CLVS1: variants seen among roughly 807,000 people sequenced by gnomAD.
CLVS1 encodes clavesin 1.
In CLVS1, 10 loss-of-function variants were observed where a neutral mutation model predicts 33.1. That is an observed-to-expected ratio of 0.30 (90% CI 0.19 to 0.51). The LOEUF is 0.51. Among genes scored for constraint, CLVS1 ranks in the 20% least tolerant of loss-of-function variants. The pLI is 0.97. For missense variants in CLVS1, 343 were observed against 433.4 expected (o/e 0.79, Z 1.85); for synonymous variants, 163 against 166.1 (o/e 0.98, Z 0.14).
chr8:61,377,012 G>A (rs1813671775), intron 3 of CLVS1: 2 of 436,034 alleles, frequency 4.6e-6, no homozygotes, highest in South Asian at 9.6e-5. Context: ...ATTATCCTCT[G>A]TAGCAATAAT....
intron 2 of CLVS1, among the ~76,000 whole-genome samples, chr8:61,212,980 C>G (rs1808003668): frequency 6.6e-6 from 1 of 152,090 alleles, no homozygotes; most frequent in Non-Finnish European, 1.5e-5. Context: ...ACCAAGCCCA[C>G]CGGTTAGGTT....
intron 3 of CLVS1, among the ~76,000 whole-genome samples, chr8:61,416,071 G>C (rs1231413223): frequency 6.6e-6 from 1 of 152,118 alleles, no homozygotes; most frequent in African/African-American, 2.4e-5. Flanking sequence ...AGAGCTAAGA[G>C]GAATCCTAGC....
intron 3 of CLVS1, among the ~76,000 whole-genome samples, chr8:61,409,612 G>A (rs1365875654): frequency 6.6e-6 from 1 of 152,172 alleles, no homozygotes; most frequent in Admixed American, 6.5e-5. Flanking sequence ...AGCAGTGAAT[G>A]TTTGTTCATA....
intron 5 of CLVS1, among the ~76,000 whole-genome samples, chr8:61,484,719 C>T (rs1586044134): frequency 6.6e-6 from 1 of 152,170 alleles, no homozygotes; most frequent in East Asian, 1.9e-4. Context: ...GTAACCAAAA[C>T]AGCATGGTAC....
chr8:61,269,792 G>A (rs1224338383), intron 2 of CLVS1, among the ~76,000 whole-genome samples: 1 of 150,306 alleles, frequency 6.7e-6, no homozygotes. Context: ...GTGAATGGGA[G>A]TTCACTCATG....
chr8:61,468,804 C>T (rs1817644187), intron 5 of CLVS1, among the ~76,000 whole-genome samples: 1 of 150,604 alleles, frequency 6.6e-6, no homozygotes, highest in African/African-American at 2.5e-5. Flanking sequence ...ACATTCATGT[C>T]TCAGCACTGA....
chr8:61,093,311 C>T (rs2087139488), intron 1 of CLVS1, among the ~76,000 whole-genome samples: 1 of 152,136 alleles, frequency 6.6e-6, no homozygotes, highest in South Asian at 2.1e-4. Flanking sequence ...GAGCCATTCT[C>T]CTTAAGCACT....
chr8:61,458,600 T>C (rs755045659), intron 5 of CLVS1, 58 bp downstream of exon 5: 15 of 1,166,560 alleles, frequency 1.3e-5, no homozygotes, highest in Non-Finnish European at 1.8e-5. Flanking sequence ...AATTTTTTAT[T>C]TGGACCTATT....
At chr8:61,270,480 T>G (rs1809414243) in intron 2 of CLVS1, among the ~76,000 whole-genome samples, 1 of 152,230 alleles carries the variant, frequency 6.6e-6, no homozygotes, top group African/African-American at 2.4e-5. Context: ...ATTCCCTTTT[T>G]TTGTTGTGTC....
At chr8:61,077,042 C>T (rs1265361963) in intron 1 of CLVS1, among the ~76,000 whole-genome samples, 1 of 152,066 alleles carries the variant, frequency 6.6e-6, no homozygotes, top group South Asian at 2.1e-4. Flanking sequence ...GGGCTTGGGT[C>T]AGGACTTAGC....
Position 61,115,641 on chromosome 8 carries a change from T to C in CLVS1, c.-242-16129T>C, listed in dbSNP as rs889810758. On this transcript the variant is annotated intron_variant, in intron 1 of 2. Transcript: ENST00000522621. The stretch of plus-strand genomic sequence containing the variant: ...TATGCGGTGTTTGGTTTTTTGTTCT[T>C]GCGATAGTGTACTGAGAATGATGTT... 3.3e-5 allele frequency among the ~76,000 whole-genome samples: 5 copies of C among 152,062 alleles called. No individual in the cohort carries two copies. In the East Asian group the frequency reaches 7.7e-4, roughly 23 times the overall value.
At chr8:60,984,862 C>A in the CLVS1 span, among the ~76,000 whole-genome samples, 310 of 152,240 alleles carry the variant, frequency 2.0e-3, 1 homozygote, top group African/African-American at 7.0e-3. Context: ...AGTGACAGAG[C>A]TGCTCCTGGA....
At chr8:61,256,838 C>A (rs189701226) in intron 2 of CLVS1, among the ~76,000 whole-genome samples, 3 of 152,236 alleles carry the variant, frequency 2.0e-5, no homozygotes, top group Admixed American at 1.3e-4. Flanking sequence ...ATCACTAGAG[C>A]CTTGCCATGT....
chr8:61,446,457 A>G (rs1816760510), intron 3 of CLVS1, among the ~76,000 whole-genome samples: 1 of 152,180 alleles, frequency 6.6e-6, no homozygotes, highest in Non-Finnish European at 1.5e-5. Flanking sequence ...GAGAAGTCCA[A>G]AGTTGAGAGG....
intron 5 of CLVS1, among the ~76,000 whole-genome samples, chr8:61,494,672 T>C (rs1255299440): frequency 6.6e-6 from 1 of 152,134 alleles, no homozygotes; most frequent in Non-Finnish European, 1.5e-5. Flanking sequence ...AGTGAGCAGT[T>C]GATTGGTCTT....
chr8:61,118,249 A>T (rs1398619304), intron 1 of CLVS1, among the ~76,000 whole-genome samples: 1 of 151,442 alleles, frequency 6.6e-6, no homozygotes, highest in African/African-American at 2.4e-5. Context: ...TGCGTCTATT[A>T]GATTCTTCTC....
rs79150778 is a variant in CLVS1, at chr8:61,312,102, C to A, written c.455+11820C>A. ...ATTCATTGCTTTCCCCAGTTCTCAA[C>A]AAGCCAGGAAAGCAAGTTTTGTCCC... On this transcript the variant is annotated intron_variant, in intron 2 of 5. Transcript: ENST00000325897. 2.0e-5 allele frequency among the ~76,000 whole-genome samples: 3 copies of A among 152,322 alleles called. No individual in the cohort carries two copies. The East Asian group carries it at 5.8e-4, about 29-fold the overall frequency.
At chr8:61,495,203 C>A (rs1448018789) in intron 5 of CLVS1, among the ~76,000 whole-genome samples, 1 of 152,108 alleles carries the variant, frequency 6.6e-6, no homozygotes, top group Non-Finnish European at 1.5e-5. Flanking sequence ...TCATTCCTTT[C>A]CTTTCATGTC....
intron 2 of CLVS1, among the ~76,000 whole-genome samples, chr8:61,371,795 T>C (rs560203243): frequency 2.1e-4 from 32 of 152,248 alleles, no homozygotes; most frequent in Non-Finnish European, 4.3e-4. Flanking sequence ...AACTCGTATA[T>C]ACAACAGTAG....
Sources: allele counts gnomAD v4.1 joint callset (sites outside exome capture counted in the v4.1 genomes callset), GRCh38; gene constraint gnomAD v4.1.1; transcripts MANE v1.5; gene names NCBI Gene and HGNC (gene_info 2026-07-23, HGNC 2026-07-21).